FAM161B: variants seen among roughly 807,000 people sequenced by gnomAD.
The protein encoded by FAM161B is FAM161 centrosomal protein B.
Under a neutral mutation model 61.5 loss-of-function variants are expected in FAM161B, and 46 were observed. That is an observed-to-expected ratio of 0.75 (90% CI 0.59 to 0.96). The LOEUF is 0.96. Among genes scored for constraint, FAM161B ranks in the 40% least tolerant of loss-of-function variants. FAM161B has a pLI of 0.00. For missense variants in FAM161B, 774 were observed against 800.7 expected, an observed-to-expected ratio of 0.97 and a Z score of 0.40; for synonymous variants, 284 against 302.7, an observed-to-expected ratio of 0.94 and a Z score of 0.64.
chr14:73,924,899 G>A, the FAM161B span: 1 of 312,718 alleles, frequency 3.2e-6, no homozygotes, highest in South Asian at 2.4e-5. Flanking sequence ...GGATGGTCTC[G>A]ATCTCTTGAC....
intron 8 of FAM161B, among the ~76,000 whole-genome samples, chr14:73,935,646 A>G (rs903603563): frequency 1.3e-5 from 2 of 152,238 alleles, no homozygotes; most frequent in African/African-American, 4.8e-5. Flanking sequence ...CAAAATATAC[A>G]TGATTTTTCT....
Position 73,946,481 on chromosome 14 carries a change from G to T in FAM161B, c.179C>A (p.Thr60Asn). ...GTAAATGCTCCCAGTTGAGTCAGAAGTAGAATCTATCTCCTCCTCTGGGCT... is the reference window on the plus strand; with the variant it reads ...GTAAATGCTCCCAGTTGAGTCAGAATTAGAATCTATCTCCTCCTCTGGGCT... ...FLSPEEEIDS[T>N]SDSTGSIYQN... The change falls in exon 2 of 9, where the codon ACT becomes AAT. Residue 60 changes from threonine (T) to asparagine (N), a missense_variant. Physicochemically the swap from Thr to Asn is moderately conservative, Grantham distance 65 (BLOSUM62 0). Transcript: ENST00000286544. 6.2e-7 allele frequency: 1 copy of T among 1,614,206 alleles called. No individual in the cohort carries two copies. Among genetic ancestry groups the T allele is most frequent in the Non-Finnish European group, 8.5e-7 (1 of 1,180,046 alleles).
At chr14:73,945,234 T>C (rs2056056426) in intron 2 of FAM161B, among the ~76,000 whole-genome samples, 1 of 152,158 alleles carries the variant, frequency 6.6e-6, no homozygotes, top group Admixed American at 6.5e-5. Context: ...TCCTCCTATG[T>C]AGAGTGGCAA....
the FAM161B span, among the ~76,000 whole-genome samples, chr14:73,926,434 GTTTTT>G: frequency 6.7e-6 from 1 of 150,206 alleles, no homozygotes; most frequent in African/African-American, 2.4e-5. Context: ...GTTTTGTTTT[GTTTTT>G]GTTTTTGTTT....
At chr14:73,929,069 A>C (rs1219585196), downstream of FAM161B, among the ~76,000 whole-genome samples, 2 of 152,254 alleles carry the variant, frequency 1.3e-5, no homozygotes, top group Admixed American at 1.3e-4. Flanking sequence ...TCCTGGATGT[A>C]GCTCAAAATC....
intron 7 of FAM161B, 58 bp downstream of exon 7, chr14:73,937,544 A>G (rs944434459): frequency 7.3e-6 from 11 of 1,516,798 alleles, no homozygotes; most frequent in Non-Finnish European, 9.9e-6. Context: ...TTGTTTTGTA[A>G]TTTTTCAGAG....
chr14:73,945,977 A>G (rs2056062743), intron 2 of FAM161B, among the ~76,000 whole-genome samples: 1 of 152,024 alleles, frequency 6.6e-6, no homozygotes, highest in African/African-American at 2.4e-5. Flanking sequence ...CCTGACCTCA[A>G]GTGATCCGCC....
chr14:73,936,861 A>T (rs2055974232), intron 7 of FAM161B, among the ~76,000 whole-genome samples: 1 of 152,186 alleles, frequency 6.6e-6, no homozygotes, highest in South Asian at 2.1e-4. Context: ...ATGGAACCCC[A>T]ACTTGTCTGA....
rs767792228 is a variant in FAM161B, at chr14:73,942,700, C to T, written c.941G>A (p.Arg314Lys). Reference sequence around the variant, plus strand: ...GGCTCTCATTTGGATGCGAATTTTCCTGAAGAGCTCAGCTTCTGTGGAGAA... The same window carrying T: ...GGCTCTCATTTGGATGCGAATTTTCTTGAAGAGCTCAGCTTCTGTGGAGAA... ...GDKLQEAELF[R>K]KIRIQMRALD... Residue 314 changes from arginine to lysine, a missense_variant, in exon 4 of 9, where the codon AGG (arginine) becomes AAG (lysine). Physicochemically the swap from Arg to Lys is conservative, Grantham distance 26. Coordinates refer to ENST00000286544, the MANE Select transcript of FAM161B (RefSeq NM_152445.3). The T allele has an allele frequency of 1.5e-5, 24 of 1,612,524 alleles. No homozygotes were observed. Among genetic ancestry groups the T allele is most frequent in the Non-Finnish European group, 1.9e-5 (22 of 1,178,808 alleles).
Position 73,942,587 on chromosome 14 carries a change from G to A in FAM161B, c.1054C>T (p.Gln352Ter), listed in dbSNP as rs773211313. ...PQPRTATRTQ[Q>*]EKLGFLHTNF... ...GTGTGCAGAAACCCAAGCTTTTCCTGCTGGGTTCGGGTGGCTGTGCGGGGC... is the reference window on the plus strand; with the variant it reads ...GTGTGCAGAAACCCAAGCTTTTCCTACTGGGTTCGGGTGGCTGTGCGGGGC... The change falls in exon 4 of 9, where the codon CAG becomes TAG. Residue 352 changes from glutamine (Q) to a stop codon, truncating the protein, a stop_gained. Transcript: ENST00000286544. LOFTEE classifies it high-confidence loss of function. 3.1e-6 allele frequency: 5 copies of A among 1,614,202 alleles called. No homozygotes were observed. In the Admixed American group the frequency reaches 8.3e-5, roughly 27 times the overall value.
intron 8 of FAM161B, among the ~76,000 whole-genome samples, chr14:73,935,298 A>C (rs1273850722): frequency 3.3e-5 from 5 of 151,788 alleles, no homozygotes; most frequent in African/African-American, 1.2e-4. Context: ...GAGGCTGAGG[A>C]GGGTAGATCA....
chr14:73,925,166 T>A, the FAM161B span, among the ~76,000 whole-genome samples: 1 of 152,218 alleles, frequency 6.6e-6, no homozygotes, highest in Admixed American at 6.5e-5. Context: ...CCATTGTCTT[T>A]GCTTATATTT....
chr14:73,932,461 C>T lies in FAM161B; in HGVS notation c.*1795G>A. On this transcript the variant is annotated 3_prime_UTR_variant, in exon 9 of 9. Coordinates refer to ENST00000286544, the MANE Select transcript of FAM161B (RefSeq NM_152445.3). ...AGCCCAGGTGATAGTTACTCTGTCA[C>T]CACCAAAAAAGACGCATCTGAGAAA... 1 of 454,204 alleles carries T rather than the reference C, an allele frequency of 2.2e-6. No individual in the cohort carries two copies. Among genetic ancestry groups the T allele is most frequent in the Non-Finnish European group, 4.4e-6 (1 of 226,600 alleles). 28.1% of individuals were successfully genotyped at this position (454,204 alleles called of 1,614,324 possible).
At chr14:73,932,202 TTTTG>T (rs550518747), downstream of FAM161B, 123 of 338,156 alleles carry the variant, frequency 3.6e-4, no homozygotes, top group South Asian at 2.8e-3. Context: ...GATTTCATGT[TTTTG>T]TTTTTTTAAA....
At chr14:73,929,060 C>T (rs374926898), downstream of FAM161B, among the ~76,000 whole-genome samples, 147 of 152,314 alleles carry the variant, frequency 9.7e-4, 2 homozygotes, top group African/African-American at 3.4e-3. Flanking sequence ...AAAGTGCTGT[C>T]CTGGATGTAG....
intron 8 of FAM161B, 64 bp from the exon 9 acceptor site, chr14:73,934,458 C>T (rs2055954164): frequency 1.3e-6 from 2 of 1,500,600 alleles, no homozygotes; most frequent in Middle Eastern, 2.4e-4. Context: ...GTCTCACTCT[C>T]ACCCAGGCTG....
At chr14:73,949,812 G>A (rs1044768597) in intron 1 of FAM161B, 161 bp downstream of exon 1, 5 of 1,000,484 alleles carry the variant, frequency 5.0e-6, no homozygotes, top group South Asian at 3.3e-5. Context: ...AAGTCCGAGA[G>A]GTTCAGGTCT....
intron 8 of FAM161B, 55 bp from the exon 9 acceptor site, chr14:73,934,449 T>A: frequency 6.5e-7 from 1 of 1,537,218 alleles, no homozygotes; most frequent in South Asian, 1.2e-5. Context: ...TCAGACAGGG[T>A]CTCACTCTCA....
chr14:73,939,364 A>G (rs144952807), intron 5 of FAM161B, among the ~76,000 whole-genome samples: 1 of 152,370 alleles, frequency 6.6e-6, no homozygotes, highest in African/African-American at 2.4e-5. Flanking sequence ...CTATCTGGAT[A>G]CAAAATAATA....
Sources: allele counts gnomAD v4.1 joint callset (sites outside exome capture counted in the v4.1 genomes callset), GRCh38; gene constraint gnomAD v4.1.1; transcripts MANE v1.5; gene names NCBI Gene and HGNC (gene_info 2026-07-23, HGNC 2026-07-21).